The following GALNT10 variants were observed in gnomAD, a reference collection of about 807,000 sequenced individuals.
GALNT10 encodes the protein GalNAc transferase 10.
In GALNT10, 41 loss-of-function variants were observed where a neutral mutation model predicts 75.0. The observed-to-expected ratio is 0.55, with a 90% CI of 0.43 to 0.71. The LOEUF (loss-of-function observed/expected upper bound fraction) is 0.71, where lower values mean the gene tolerates loss of function less well. Ranked by LOEUF, GALNT10 falls within the 30% of genes least tolerant of loss-of-function variation. GALNT10 has a pLI of 0.00. For missense variants in GALNT10, 727 were observed against 818.5 expected, an observed-to-expected ratio of 0.89 and a Z score of 1.36; for synonymous variants, 302 against 313.0, an observed-to-expected ratio of 0.96 and a Z score of 0.37.
chr5:154,407,775 G>A (rs537124875), intron 8 of GALNT10, among the ~76,000 whole-genome samples: 6 of 152,318 alleles, frequency 3.9e-5, no homozygotes, highest in African/African-American at 1.4e-4. Context: ...GGCCTGGTGG[G>A]GATAAACACT....
intron 3 of GALNT10, among the ~76,000 whole-genome samples, chr5:154,305,113 C>G (rs1245491894): frequency 6.6e-6 from 1 of 151,916 alleles, no homozygotes; most frequent in African/African-American, 2.4e-5. Context: ...ATCAACTGGG[C>G]AAGACCCCAT....
intron 1 of GALNT10, among the ~76,000 whole-genome samples, chr5:154,222,075 CCTTT>C (rs1454524221): frequency 6.6e-6 from 1 of 152,076 alleles, no homozygotes; most frequent in African/African-American, 2.4e-5. Flanking sequence ...AGAGAATGAA[CCTTT>C]CTATCACCTC....
At chr5:154,279,296 G>A (rs1256692545) in intron 1 of GALNT10, among the ~76,000 whole-genome samples, 1 of 83,844 alleles carries the variant, frequency 1.2e-5, no homozygotes, top group East Asian at 6.0e-4. Flanking sequence ...TGTTGTTGTT[G>A]TTGTTTTGTT....
chr5:154,290,507 TTA>T (rs987945703), intron 1 of GALNT10, among the ~76,000 whole-genome samples: 1 of 152,166 alleles, frequency 6.6e-6, no homozygotes, highest in African/African-American at 2.4e-5. Context: ...AATTTGAGTT[TTA>T]TATCTACATG....
At chr5:154,210,505 C>T (rs944500032) in intron 1 of GALNT10, among the ~76,000 whole-genome samples, 7 of 152,166 alleles carry the variant, frequency 4.6e-5, no homozygotes, top group Non-Finnish European at 1.0e-4. Context: ...CTACCCCAAC[C>T]CTCAGCCCAC....
chr5:154,225,767 CCTTT>C (rs1292523435), intron 1 of GALNT10, among the ~76,000 whole-genome samples: 3 of 152,162 alleles, frequency 2.0e-5, no homozygotes, highest in Non-Finnish European at 4.4e-5. Context: ...TTTTGTCTTA[CCTTT>C]CTATGTTCCT....
intron 1 of GALNT10, among the ~76,000 whole-genome samples, chr5:154,237,238 T>C (rs189802909): frequency 5.2e-4 from 79 of 152,282 alleles, no homozygotes; most frequent in Non-Finnish European, 4.6e-4. Flanking sequence ...TGGGAGGATT[T>C]GGTTTTGGTG....
Position 154,297,967 on chromosome 5 carries a change from C to T in GALNT10, c.289C>T (p.Pro97Ser). ...AAATGGAGAACAAGGAAGACCTTAC[C>T]CCATGACCGATGCTGAGAGAGTGGA... ...VGNGEQGRPY[P>S]MTDAERVDQA... Residue 97 changes from proline to serine, a missense_variant, in exon 3 of 12, where the codon CCC becomes TCC. Transcript: ENST00000297107. The T allele has an allele frequency of 6.2e-7, 1 of 1,613,660 alleles. No individual in the cohort carries two copies. The highest frequency in any genetic ancestry group is 2.2e-5 in the East Asian group (1 of 44,874).
chr5:154,314,197 A>G (rs1199175336), intron 3 of GALNT10, among the ~76,000 whole-genome samples: 1 of 152,142 alleles, frequency 6.6e-6, no homozygotes, highest in Non-Finnish European at 1.5e-5. Flanking sequence ...ATTTTACCCA[A>G]GAGGAAACTA....
At chr5:154,339,696 T>C (rs574884934) in intron 4 of GALNT10, among the ~76,000 whole-genome samples, 2 of 152,374 alleles carry the variant, frequency 1.3e-5, no homozygotes, top group East Asian at 1.9e-4. Context: ...GATGCTTCTA[T>C]TGACGTGGGT....
At chr5:154,249,120 A>G (rs1290460841) in intron 1 of GALNT10, among the ~76,000 whole-genome samples, 1 of 152,198 alleles carries the variant, frequency 6.6e-6, no homozygotes, top group Non-Finnish European at 1.5e-5. Context: ...AAGTCACTTT[A>G]AGTTCCTGGG....
At chr5:154,394,261 G>A (rs1755968484) in intron 7 of GALNT10, among the ~76,000 whole-genome samples, 1 of 148,246 alleles carries the variant, frequency 6.7e-6, no homozygotes, top group South Asian at 2.2e-4. Context: ...TTCGCTTTGT[G>A]TGATACTGAT....
chr5:154,297,821 C>A, intron 2 of GALNT10, 120 bp from the exon 3 acceptor site: 2 of 876,798 alleles, frequency 2.3e-6, no homozygotes, highest in Admixed American at 2.3e-5. Flanking sequence ...CTGAGCTATG[C>A]TCTATATCCA....
chr5:154,354,027 G>A (rs1006030271), intron 4 of GALNT10, among the ~76,000 whole-genome samples: 6 of 152,190 alleles, frequency 3.9e-5, no homozygotes, highest in African/African-American at 1.4e-4. Flanking sequence ...GCACCTTTGA[G>A]TACTTGAATC....
chr5:154,312,391 T>C (rs573204610), intron 3 of GALNT10, among the ~76,000 whole-genome samples: 11 of 152,238 alleles, frequency 7.2e-5, no homozygotes, highest in Non-Finnish European at 1.6e-4. Flanking sequence ...ATCCTAAGTC[T>C]GCCTGGGTAA....
chr5:154,374,975 TTAAAA>T (rs954080238), intron 4 of GALNT10, among the ~76,000 whole-genome samples: 1 of 152,208 alleles, frequency 6.6e-6, no homozygotes, highest in Non-Finnish European at 1.5e-5. Flanking sequence ...AAGTTTCCTT[TTAAAA>T]TAAAGTTAAT....
rs73283364 is a variant in GALNT10, at chr5:154,364,586, G to C, written c.569-11691G>C. On this transcript the variant is annotated intron_variant, in intron 4 of 11. Coordinates refer to ENST00000297107, the MANE Select transcript of GALNT10 (RefSeq NM_198321.4). ...GACATATGTTCAGTTTTCTCTTCCT[G>C]TGCACTGAGCAGGAAAACTTCCCCC... Among the ~76,000 whole-genome samples the C allele has an allele frequency of 9.7e-3, 1,478 of 152,264 alleles. 18 individuals carry two copies. The highest frequency in any genetic ancestry group is 0.034 in the African/African-American group (1,428 of 41,534).
intron 1 of GALNT10, among the ~76,000 whole-genome samples, chr5:154,222,857 T>C (rs1200540353): frequency 6.6e-6 from 1 of 152,246 alleles, no homozygotes; most frequent in Admixed American, 6.5e-5. Flanking sequence ...TTGTCTAATA[T>C]ATGTTTTGTG....
At chr5:154,367,736 T>TA (rs1755497946) in intron 4 of GALNT10, among the ~76,000 whole-genome samples, 3 of 151,724 alleles carry the variant, frequency 2.0e-5, no homozygotes, top group Admixed American at 2.0e-4. Context: ...CGGGCACCTG[T>TA]AGTCCCCGCT....
Sources: allele counts gnomAD v4.1 joint callset (sites outside exome capture counted in the v4.1 genomes callset), GRCh38; gene constraint gnomAD v4.1.1; transcripts MANE v1.5; gene names NCBI Gene and HGNC (gene_info 2026-07-23, HGNC 2026-07-21).